The following ATM variants were observed in gnomAD, a reference collection of about 807,000 sequenced individuals.
The protein encoded by ATM is serine-protein kinase ATM.
A neutral mutation model predicts 387.0 loss-of-function variants in ATM; 308 were observed. That is an observed-to-expected ratio of 0.80 (90% confidence interval 0.73 to 0.87). The LOEUF (loss-of-function observed/expected upper bound fraction) is 0.87, where lower values mean the gene tolerates loss of function less well. Among genes scored for constraint, ATM ranks in the 40% least tolerant of loss-of-function variants. The pLI, the probability that ATM is intolerant of heterozygous loss-of-function variation, is 0.00. For missense variants in ATM, 3,312 were observed against 3,560.9 expected (o/e 0.93, Z 1.78); for synonymous variants, 1,156 against 1,187.3 (o/e 0.97, Z 0.54).
At chr11:108,305,308 A>G (rs2083631728) in intron 37 of ATM, among the ~76,000 whole-genome samples, 1 of 152,368 alleles carries the variant, frequency 6.6e-6, no homozygotes, top group African/African-American at 2.4e-5. Flanking sequence ...GGCCGGGCAC[A>G]GTGGCTCACG....
At chr11:108,256,802 A>G (rs1451877570) in intron 14 of ATM, among the ~76,000 whole-genome samples, 2 of 152,154 alleles carry the variant, frequency 1.3e-5, no homozygotes, top group African/African-American at 4.8e-5. Context: ...TTTGCTGGGA[A>G]TGATGGTTTC....
rs587781679 is a variant in ATM, at chr11:108,297,338, T to C, written c.4961T>C (p.Leu1654Ser). 1 of 1,614,102 alleles carries C rather than the reference T, an allele frequency of 6.2e-7. No individual in the cohort carries two copies. The highest frequency in any genetic ancestry group is 8.5e-7 in the Non-Finnish European group (1 of 1,179,982). Residue 1654 changes from leucine to serine, a missense_variant, in exon 33 of 63, where the codon TTA becomes TCA. By Grantham distance (145) the Leu-to-Ser change is moderately radical. Transcript: ENST00000675843. ...MVKLVVNLLQLSKMAINHTGE... is the reference protein window; with the variant it reads ...MVKLVVNLLQSSKMAINHTGE... ...AAACTAGTTGTCAATTTGTTGCAGT[T>C]ATCCAAGATGGCAATAAACCACACT...
rs2091270164 is a variant in ATM at position 108,365,604 on chromosome 11, A to ATTTAAGTG, written c.*97_*104dup. Reference sequence around the variant, plus strand: ...CAACATACTTTAAGTAGGGATTAATATTTAAGTGAACTATTGTGGGTTTTT... The same window carrying ATTTAAGTG: ...CAACATACTTTAAGTAGGGATTAATATTTAAGTGTTTAAGTGAACTATTGTGGGTTTTT... On this transcript the variant is annotated 3_prime_UTR_variant, in exon 63 of 63. Transcript: ENST00000675843. 5 of 1,411,096 alleles carry ATTTAAGTG rather than the reference A, an allele frequency of 3.5e-6. No homozygotes were observed. 87.4% of individuals were successfully genotyped at this position (1,411,096 alleles called of 1,614,324 possible). A position where few individuals can be genotyped will look rare whatever the true frequency, so the allele number is the denominator to read the frequency against.
intron 40 of ATM, among the ~76,000 whole-genome samples, chr11:108,314,706 A>G (rs2084467438): frequency 6.6e-6 from 1 of 152,178 alleles, no homozygotes; most frequent in Admixed American, 6.5e-5. Flanking sequence ...TTAACTACTA[A>G]TAGTCTACTG....
At chr11:108,315,713 A>G in intron 40 of ATM, 110 bp from the exon 41 acceptor site, 1 of 772,094 alleles carries the variant, frequency 1.3e-6, no homozygotes, top group Non-Finnish European at 2.2e-6. Flanking sequence ...TCTATAACAT[A>G]ACATTTAGAG....
intron 25 of ATM, among the ~76,000 whole-genome samples, chr11:108,283,757 T>C (rs1296877212): frequency 6.6e-6 from 1 of 152,212 alleles, no homozygotes; most frequent in Non-Finnish European, 1.5e-5. Context: ...CCCACGTATA[T>C]GAAAAGTCAG....
At chr11:108,257,396 T>C (rs955037185) in intron 14 of ATM, 85 bp from the exon 15 acceptor site, 81 of 1,482,312 alleles carry the variant, frequency 5.5e-5, no homozygotes, top group Non-Finnish European at 5.7e-5. Flanking sequence ...TTTTATAGTA[T>C]GTCCAAGATC....
intron 52 of ATM, among the ~76,000 whole-genome samples, chr11:108,332,505 C>G (rs540863016): frequency 3.3e-5 from 5 of 152,030 alleles, no homozygotes; most frequent in African/African-American, 1.2e-4. Context: ...TAGGAGATAC[C>G]AGTAGTAGTT....
intron 40 of ATM, 112 bp downstream of exon 40, chr11:108,312,610 G>A: frequency 2.6e-6 from 2 of 774,280 alleles, no homozygotes; most frequent in Non-Finnish European, 2.2e-6. Context: ...TTTACTTACT[G>A]GACTAAGCAT....
At chr11:108,330,546 G>C in intron 50 of ATM, 125 bp downstream of exon 50, 1 of 924,968 alleles carries the variant, frequency 1.1e-6, no homozygotes. Context: ...CTACACATAA[G>C]TAGCATTTTG....
intron 44 of ATM, among the ~76,000 whole-genome samples, chr11:108,320,436 A>G (rs2085121023): frequency 6.6e-6 from 1 of 152,258 alleles, no homozygotes; most frequent in South Asian, 2.1e-4. Context: ...GTGATGAGGC[A>G]TGAGGAAATA....
In ATM at chr11:108,233,050, C is replaced by T. The variant is rs1021308638; in HGVS notation, c.332-2620C>T. 1.5e-4 allele frequency among the ~76,000 whole-genome samples: 23 copies of T among 152,050 alleles called. 1 individual carries two copies. Among genetic ancestry groups the T allele is most frequent in the African/African-American group, 5.3e-4 (22 of 41,470 alleles). On this transcript the variant is annotated intron_variant, in intron 4 of 62. Coordinates refer to ENST00000675843, the MANE Select transcript of ATM (RefSeq NM_000051.4). The stretch of plus-strand genomic sequence containing the variant: ...GCTAATTTTGTATTTTTAGTAGAGA[C>T]GGGGTTTCACCACATTGGTCAGGCT...
chr11:108,287,774 T>C, intron 27 of ATM, 59 bp downstream of exon 27: 1 of 1,260,174 alleles, frequency 7.9e-7, no homozygotes, highest in Non-Finnish European at 1.2e-6. Flanking sequence ...TAAAGAAGTT[T>C]ATTGGTTGAC....
rs751245102 is a variant in ATM, at chr11:108,235,854, G to A, written c.496+20G>A. 6.2e-7 allele frequency: 1 copy of A among 1,613,462 alleles called. No individual in the cohort carries two copies. The highest frequency in any genetic ancestry group is 8.5e-7 in the Non-Finnish European group (1 of 1,179,640). ...GGTTAGGTATGTTTTGAAGGTTGTT[G>A]TTTGTGAATTTTTCCTCATGAAATG... On this transcript the variant is annotated intron_variant, in intron 5 of 62. Transcript: ENST00000675843.
At chr11:108,273,621 C>T (rs79812984) in intron 22 of ATM, among the ~76,000 whole-genome samples, 3 of 151,876 alleles carry the variant, frequency 2.0e-5, no homozygotes, top group African/African-American at 4.8e-5. Context: ...AGATTACAGG[C>T]GTGAGCCTTT....
rs1383763069 is a variant in ATM at position 108,326,212 on chromosome 11, C to T, written c.6962C>T (p.Ala2321Val). The T allele has an allele frequency of 1.2e-6, 2 of 1,613,920 alleles. No individual in the cohort carries two copies. The highest frequency in any genetic ancestry group is 1.1e-5 in the South Asian group (1 of 91,066). The change falls in exon 47 of 63, where the codon GCC (alanine) becomes GTC (valine). Residue 2321 changes from alanine to valine, a missense_variant. Ala to Val is a moderately conservative substitution (Grantham distance 64). Coordinates refer to ENST00000675843, the MANE Select transcript of ATM (RefSeq NM_000051.4). Reference sequence around the variant, plus strand: ...AAGCAAATGATCAAGAAGTTGGATGCCAGCTGTGCAGCGGTTTGTTTTTTT... The same window carrying T: ...AAGCAAATGATCAAGAAGTTGGATGTCAGCTGTGCAGCGGTTTGTTTTTTT... ...ILKQMIKKLD[A>V]SCAANNPSLK...
chr11:108,341,533 A>C (rs2087578686), intron 56 of ATM, among the ~76,000 whole-genome samples: 1 of 152,164 alleles, frequency 6.6e-6, no homozygotes, highest in Non-Finnish European at 1.5e-5. Flanking sequence ...CCCAACAAAT[A>C]AATGTTAATA....
intron 38 of ATM, chr11:108,309,141 G>A (rs1416854296): frequency 1.3e-5 from 11 of 871,338 alleles, no homozygotes; most frequent in Non-Finnish European, 2.0e-5. Context: ...CTTGTGCTGT[G>A]TAAAAATTAC....
chr11:108,292,854 T>C, intron 30 of ATM, 61 bp downstream of exon 30: 1 of 1,567,056 alleles, frequency 6.4e-7, no homozygotes, highest in South Asian at 1.1e-5. Flanking sequence ...GTTAGAAGGA[T>C]TTGAGTGTTT....
Sources: allele counts gnomAD v4.1 joint callset (sites outside exome capture counted in the v4.1 genomes callset), GRCh38; gene constraint gnomAD v4.1.1; transcripts MANE v1.5; gene names NCBI Gene and HGNC (gene_info 2026-07-23, HGNC 2026-07-21).